Variants in NDE1 observed in about 807,000 individuals in gnomAD.
NDE1 encodes nudE neurodevelopment protein 1.
A neutral mutation model predicts 43.4 loss-of-function variants in NDE1; 28 were observed. The ratio of observed to expected loss-of-function variants is 0.65; its 90% CI spans 0.48 to 0.89. The LOEUF (loss-of-function observed/expected upper bound fraction) is 0.89. Among genes scored for constraint, NDE1 ranks in the 40% least tolerant of loss-of-function variants. The probability of loss-of-function intolerance (pLI) is 0.00; values close to 1 mark genes in which losing one functional copy is unlikely to be tolerated. For synonymous variants in NDE1, 184 were observed against 172.0 expected (o/e 1.07, Z -0.55); for missense variants, 441 against 434.1 (o/e 1.02, Z -0.14).
chr16:15,667,745 C>A (rs920194442), intron 3 of NDE1, among the ~76,000 whole-genome samples: 7 of 150,140 alleles, frequency 4.7e-5, no homozygotes, highest in Non-Finnish European at 1.0e-4. Flanking sequence ...AATTCTCCTG[C>A]CTCAGCCTCC....
intron 8 of NDE1, 63 bp downstream of exon 8, chr16:15,696,923 ACT>A: frequency 1.3e-6 from 2 of 1,593,114 alleles, no homozygotes; most frequent in Non-Finnish European, 1.7e-6. Flanking sequence ...GGCAAGAGAC[ACT>A]CACCCCCAGC....
intron 4 of NDE1, among the ~76,000 whole-genome samples, chr16:15,685,629 T>A (rs942659770): frequency 2.6e-5 from 4 of 152,204 alleles, no homozygotes; most frequent in Admixed American, 2.6e-4. Context: ...TAGGTACTTG[T>A]ATGACTCCAT....
At chr16:15,719,988 G>A (rs1312159811) in intron 8 of NDE1, among the ~76,000 whole-genome samples, 1 of 152,080 alleles carries the variant, frequency 6.6e-6, no homozygotes, top group Non-Finnish European at 1.5e-5. Context: ...CCCAGGGCAG[G>A]AGACAGCCAC....
intron 8 of NDE1, among the ~76,000 whole-genome samples, chr16:15,706,207 C>A (rs1006199181): frequency 6.6e-6 from 1 of 152,134 alleles, no homozygotes; most frequent in African/African-American, 2.4e-5. Context: ...CACAGAGAAG[C>A]TTCTGGACTT....
At chr16:15,688,517 C>T (rs1265293971) in intron 5 of NDE1, among the ~76,000 whole-genome samples, 2 of 150,488 alleles carry the variant, frequency 1.3e-5, no homozygotes. Flanking sequence ...CCTGCAATCC[C>T]AGCTGCTCAG....
In NDE1 at chr16:15,650,249, C is replaced by T. The variant is rs779775765; in HGVS notation, c.-89C>T. ...GCCGGGGCCGCACCGCCCTTCGCAG[C>T]CGCCTCTGCCGCCGCCGCCGCGTTG... On this transcript the variant is annotated 5_prime_UTR_variant, in exon 1 of 9. Transcript: ENST00000396354. 4.1e-5 allele frequency: 12 copies of T among 295,664 alleles called. No individual in the cohort carries two copies. The East Asian group carries it at 1.3e-3, about 32-fold the overall frequency. The allele number at this position is 295,664 out of a possible 1,614,324, so 18.3% of individuals were successfully genotyped here.
At chr16:15,686,872 A>T in intron 4 of NDE1, 1 of 587,716 alleles carries the variant, frequency 1.7e-6, no homozygotes, top group Non-Finnish European at 2.1e-6. Context: ...TATTTCTAGT[A>T]GAGACAGGAT....
chr16:15,707,711 C>G (rs1051261625), intron 8 of NDE1, among the ~76,000 whole-genome samples: 1 of 152,176 alleles, frequency 6.6e-6, no homozygotes, highest in Admixed American at 6.5e-5. Context: ...GTTGGTCATG[C>G]TTGTAATCCC....
chr16:15,721,539 G>C lies in NDE1; in HGVS notation c.948-2652G>C, dbSNP rs776746865. On this transcript the variant is annotated intron_variant, in intron 8 of 8. Coordinates refer to ENST00000396354, the MANE Select transcript of NDE1 (RefSeq NM_017668.3). ...AGGCCTCTTCAAGGGCCCGAGCCAG[G>C]GACAGGGCCTTGGTTTCCTTCTCCC... 6.2e-7 allele frequency: 1 copy of C among 1,614,180 alleles called. No homozygotes were observed. The highest frequency in any genetic ancestry group is 8.5e-7 in the Non-Finnish European group (1 of 1,180,030).
chr16:15,720,793 A>G (rs2040427820), intron 8 of NDE1: 1 of 1,597,934 alleles, frequency 6.3e-7, no homozygotes, highest in African/African-American at 1.3e-5. Context: ...TAGGAATGAA[A>G]AAGGCCACCC....
intron 8 of NDE1, among the ~76,000 whole-genome samples, chr16:15,697,280 T>C (rs1076550): frequency 0.14 from 20,543 of 152,156 alleles, 3,366 homozygotes; most frequent in African/African-American, 0.39. Context: ...GAGCTTCAAG[T>C]GATCCTCACC....
intron 8 of NDE1, chr16:15,704,104 A>G: frequency 6.2e-7 from 1 of 1,614,150 alleles, no homozygotes; most frequent in Non-Finnish European, 8.5e-7. Flanking sequence ...GAAGGAACGA[A>G]AGAGGTCTCG....
intron 8 of NDE1, chr16:15,718,114 C>G: frequency 1.3e-6 from 1 of 782,392 alleles, no homozygotes; most frequent in African/African-American, 1.7e-5. Context: ...GACACTGCAG[C>G]GTGGAGAGGA....
At chr16:15,711,794 G>A (rs1274658239) in intron 8 of NDE1, among the ~76,000 whole-genome samples, 1 of 152,134 alleles carries the variant, frequency 6.6e-6, no homozygotes, top group Non-Finnish European at 1.5e-5. Flanking sequence ...CCAGGTTCAA[G>A]CGATTCTCCT....
intron 8 of NDE1, 178 bp downstream of exon 8, chr16:15,697,038 A>G (rs1331694241): frequency 6.6e-7 from 1 of 1,521,612 alleles, no homozygotes; most frequent in Admixed American, 2.0e-5. Flanking sequence ...TGGCTTGAAC[A>G]AAGGGCTAGA....
At chr16:15,659,855 T>C (rs2036960863) in intron 1 of NDE1, among the ~76,000 whole-genome samples, 1 of 151,510 alleles carries the variant, frequency 6.6e-6, no homozygotes, top group African/African-American at 2.4e-5. Context: ...TTCAAGCAAT[T>C]CTCCTGCCTT....
chr16:15,696,991 C>T, intron 8 of NDE1, 131 bp downstream of exon 8: 3 of 1,537,592 alleles, frequency 2.0e-6, no homozygotes, highest in Non-Finnish European at 1.7e-6. Flanking sequence ...CTTATCCTCT[C>T]CTCTGCTCCC....
In NDE1 at chr16:15,692,044, C is replaced by T. The variant is rs140535923; in HGVS notation, c.703+721C>T. On this transcript the variant is annotated intron_variant, in intron 6 of 8. Transcript: ENST00000396354. ...TAATACATCCACCGAGAGCTAGACTCAGCGTAACGTGTGCTGCATGGGCAG... is the reference window on the plus strand; with the variant it reads ...TAATACATCCACCGAGAGCTAGACTTAGCGTAACGTGTGCTGCATGGGCAG... Among the ~76,000 whole-genome samples the T allele has an allele frequency of 2.5e-3, 378 of 152,152 alleles. 1 individual carries two copies. Among genetic ancestry groups the T allele is most frequent in the South Asian group, 4.4e-3 (21 of 4,816 alleles).
intron 3 of NDE1, among the ~76,000 whole-genome samples, chr16:15,676,232 T>TG (rs2037870261): frequency 6.8e-6 from 1 of 147,748 alleles, no homozygotes; most frequent in South Asian, 2.1e-4. Context: ...CTGGTTTTTT[T>TG]TTTTTTTTTT....
Sources: allele counts gnomAD v4.1 joint callset (sites outside exome capture counted in the v4.1 genomes callset), GRCh38; gene constraint gnomAD v4.1.1; transcripts MANE v1.5; gene names NCBI Gene and HGNC (gene_info 2026-07-23, HGNC 2026-07-21).